Variants in SORCS2 observed in about 807,000 individuals in gnomAD.
SORCS2 encodes sortilin related VPS10 domain containing receptor 2.
A neutral mutation model predicts 141.6 loss-of-function variants in SORCS2; 100 were observed. The ratio of observed to expected loss-of-function variants is 0.71; its 90% CI spans 0.60 to 0.83. The LOEUF (loss-of-function observed/expected upper bound fraction) is 0.83, where lower values mean the gene tolerates loss of function less well. Among genes scored for constraint, SORCS2 ranks in the 40% least tolerant of loss-of-function variants. The pLI is 0.00. For synonymous variants in SORCS2, 789 were observed against 676.9 expected (o/e 1.17, Z -2.57); for missense variants, 1,646 against 1,560.2 (o/e 1.05, Z -0.93).
chr4:7,519,816 C>T (rs1255246475), intron 2 of SORCS2, among the ~76,000 whole-genome samples: 4 of 152,148 alleles, frequency 2.6e-5, no homozygotes, highest in Non-Finnish European at 5.9e-5. Flanking sequence ...AGAGGGCGCA[C>T]ATGGGGGCTT....
At chr4:7,316,112 TTCTA>T (rs1430837056) in intron 1 of SORCS2, among the ~76,000 whole-genome samples, 2 of 151,672 alleles carry the variant, frequency 1.3e-5, no homozygotes, top group South Asian at 2.1e-4. Flanking sequence ...CCTTTTTTCC[TTCTA>T]TCTACCATCC....
intron 1 of SORCS2, among the ~76,000 whole-genome samples, chr4:7,215,470 C>G (rs1728286114): frequency 6.6e-6 from 1 of 152,242 alleles, no homozygotes; most frequent in Non-Finnish European, 1.5e-5. Flanking sequence ...CCCCCTGCTC[C>G]ACGGCTCCCA....
At chr4:7,253,856 G>T (rs1190329554) in intron 1 of SORCS2, among the ~76,000 whole-genome samples, 1 of 152,228 alleles carries the variant, frequency 6.6e-6, no homozygotes, top group African/African-American at 2.4e-5. Flanking sequence ...CTGCAGCTAG[G>T]TGCTGGTTCC....
At chr4:7,308,257 G>A (rs1462912372) in intron 1 of SORCS2, among the ~76,000 whole-genome samples, 2 of 152,118 alleles carry the variant, frequency 1.3e-5, no homozygotes, top group Non-Finnish European at 2.9e-5. Context: ...TGCCCGGTGG[G>A]GCCTCAAGGC....
At chr4:7,727,128 G>A (rs371489579) in intron 21 of SORCS2, among the ~76,000 whole-genome samples, 2 of 152,166 alleles carry the variant, frequency 1.3e-5, no homozygotes, top group Admixed American at 6.5e-5. Context: ...AATAAATACT[G>A]ACAAATCCTG....
chr4:7,597,800 A>G (rs1717383725), intron 3 of SORCS2, among the ~76,000 whole-genome samples: 1 of 151,928 alleles, frequency 6.6e-6, no homozygotes, highest in Non-Finnish European at 1.5e-5. Context: ...GGTCAGGCAG[A>G]AAGGAGTTTT....
At chr4:7,206,555 C>T (rs923098763) in intron 1 of SORCS2, among the ~76,000 whole-genome samples, 2 of 152,124 alleles carry the variant, frequency 1.3e-5, no homozygotes, top group Non-Finnish European at 2.9e-5. Context: ...GGGATTATGG[C>T]ACATATCTGC....
intron 1 of SORCS2, among the ~76,000 whole-genome samples, chr4:7,206,041 A>T (rs1213032015): frequency 6.6e-6 from 1 of 152,108 alleles, no homozygotes; most frequent in African/African-American, 2.4e-5. Context: ...ATGAGACTCC[A>T]TCTCAAAACA....
At chr4:7,370,113 G>A (rs1722154234) in intron 1 of SORCS2, among the ~76,000 whole-genome samples, 1 of 152,210 alleles carries the variant, frequency 6.6e-6, no homozygotes, top group African/African-American at 2.4e-5. Flanking sequence ...TGGGTGGGGT[G>A]TGTGCAGGGG....
At chr4:7,247,962 T>A (rs1713224195) in intron 1 of SORCS2, among the ~76,000 whole-genome samples, 1 of 152,170 alleles carries the variant, frequency 6.6e-6, no homozygotes, top group African/African-American at 2.4e-5. Flanking sequence ...CCTTACTCCA[T>A]GTATGACAGG....
intron 4 of SORCS2, among the ~76,000 whole-genome samples, chr4:7,639,013 G>C (rs972190037): frequency 6.6e-5 from 10 of 152,194 alleles, no homozygotes; most frequent in African/African-American, 2.4e-4. Context: ...CCCCCGGTGA[G>C]TGGGGGAGCG....
intron 1 of SORCS2, among the ~76,000 whole-genome samples, chr4:7,205,179 C>T (rs533363857): frequency 2.0e-5 from 3 of 152,186 alleles, no homozygotes; most frequent in Admixed American, 2.0e-4. Context: ...TGACGTCAGG[C>T]GGCTGCTGTG....
chr4:7,387,746 A>C (rs1159476274), intron 1 of SORCS2, among the ~76,000 whole-genome samples: 3 of 151,398 alleles, frequency 2.0e-5, no homozygotes, highest in African/African-American at 7.3e-5. Context: ...ACACATGCAC[A>C]CACAGATACA....
chr4:7,699,770 G>C (rs934108688), intron 12 of SORCS2, among the ~76,000 whole-genome samples: 2 of 152,134 alleles, frequency 1.3e-5, no homozygotes, highest in East Asian at 1.9e-4. Context: ...CCATGCACGC[G>C]TTCCACTGCT....
rs570695138 is a variant in SORCS2 at position 7,531,786 on chromosome 4, G to A, written c.648+157G>A. On this transcript the variant is annotated intron_variant, in intron 3 of 26. Transcript: ENST00000507866. ...CCCAGCTCTCACTGCCACCCTTCCC[G>A]GTGCTACCTGACACCATTCTGTGCT... 5.9e-5 allele frequency among the ~76,000 whole-genome samples: 9 copies of A among 152,388 alleles called. No homozygotes were observed. In the East Asian group the frequency reaches 1.7e-3, roughly 29 times the overall value.
intron 3 of SORCS2, among the ~76,000 whole-genome samples, chr4:7,618,954 C>T (rs1718953790): frequency 6.6e-6 from 1 of 152,264 alleles, no homozygotes; most frequent in South Asian, 2.1e-4. Context: ...AGACTGCTGG[C>T]ACCCATAGGT....
intron 1 of SORCS2, among the ~76,000 whole-genome samples, chr4:7,202,340 G>T (rs1727525989): frequency 6.6e-6 from 1 of 152,194 alleles, no homozygotes; most frequent in Non-Finnish European, 1.5e-5. Context: ...ATACTTGAGT[G>T]AGTGAGGACT....
chr4:7,555,884 C>G (rs1017565729), intron 3 of SORCS2, among the ~76,000 whole-genome samples: 3 of 152,156 alleles, frequency 2.0e-5, no homozygotes, highest in Non-Finnish European at 4.4e-5. Flanking sequence ...GGCAGAGCCC[C>G]CAGGAAAGCT....
chr4:7,593,297 C>T (rs1380291473), intron 3 of SORCS2, among the ~76,000 whole-genome samples: 3 of 152,144 alleles, frequency 2.0e-5, no homozygotes, highest in African/African-American at 4.8e-5. Flanking sequence ...CTAAGATCAG[C>T]CTAGAATCTG....
Sources: allele counts gnomAD v4.1 joint callset (sites outside exome capture counted in the v4.1 genomes callset), GRCh38; gene constraint gnomAD v4.1.1; transcripts MANE v1.5; gene names NCBI Gene and HGNC (gene_info 2026-07-23, HGNC 2026-07-21).